Variants in ARHGAP29 observed in about 807,000 individuals in gnomAD.
ARHGAP29 encodes rho GTPase-activating protein 29.
A neutral mutation model predicts 122.6 loss-of-function variants in ARHGAP29; 43 were observed. The observed-to-expected ratio is 0.35, with a 90% confidence interval of 0.27 to 0.45. ARHGAP29 has a LOEUF of 0.45. ARHGAP29 is among the 20% of genes least tolerant of loss of function. ARHGAP29 has a pLI of 1.00. For synonymous variants in ARHGAP29, 506 were observed against 497.1 expected (o/e 1.02, Z -0.24); for missense variants, 1,303 against 1,477.2 (o/e 0.88, Z 1.93).
chr1:94,174,880 A>G (rs899580549), intron 22 of ARHGAP29, 131 bp from the exon 23 acceptor site: 3 of 1,030,350 alleles, frequency 2.9e-6, no homozygotes, highest in Non-Finnish European at 4.2e-6. Context: ...ATTCTCAGTT[A>G]CCTATGTGGA....
chr1:94,253,636 A>ACG (rs1553214897), intron 1 of ARHGAP29, among the ~76,000 whole-genome samples: 3,937 of 149,328 alleles, frequency 0.026, 63 homozygotes, highest in Non-Finnish European at 0.038. Context: ...TCTGGAACAC[A>ACG]CACGCACGCA....
intron 1 of ARHGAP29, among the ~76,000 whole-genome samples, chr1:94,260,433 C>CA (rs1207653518): frequency 1.3e-5 from 2 of 152,206 alleles, no homozygotes; most frequent in Non-Finnish European, 2.9e-5. Context: ...AAGCTGGTCA[C>CA]AAGCTCCTAT....
intron 1 of ARHGAP29, among the ~76,000 whole-genome samples, chr1:94,247,171 G>A (rs1046415262): frequency 6.6e-6 from 1 of 152,168 alleles, no homozygotes; most frequent in Non-Finnish European, 1.5e-5. Flanking sequence ...AGCATCCCCA[G>A]TAAGAAAGAC....
At chr1:94,251,804 G>T (rs1654107106) in intron 1 of ARHGAP29, among the ~76,000 whole-genome samples, 1 of 152,128 alleles carries the variant, frequency 6.6e-6, no homozygotes, top group East Asian at 1.9e-4. Context: ...CATAAAAACA[G>T]CATCCCCCTT....
intron 5 of ARHGAP29, among the ~76,000 whole-genome samples, chr1:94,207,023 T>G (rs1383023535): frequency 1.3e-5 from 2 of 151,636 alleles, no homozygotes; most frequent in African/African-American, 2.4e-5. Context: ...ATTTATTTAT[T>G]TTTGAGACAG....
intron 1 of ARHGAP29, among the ~76,000 whole-genome samples, chr1:94,250,221 C>T (rs1332961597): frequency 1.3e-5 from 2 of 152,132 alleles, no homozygotes; most frequent in Non-Finnish European, 2.9e-5. Flanking sequence ...TTCCCCTCTG[C>T]CACACTTCAA....
the ARHGAP29 span, among the ~76,000 whole-genome samples, chr1:94,301,006 C>A: frequency 2.0e-5 from 3 of 152,286 alleles, no homozygotes; most frequent in South Asian, 6.2e-4. Flanking sequence ...ACATAAGTGA[C>A]ATTGGGCATT....
intron 12 of ARHGAP29, among the ~76,000 whole-genome samples, chr1:94,198,624 C>A (rs1650619432): frequency 6.6e-6 from 1 of 152,164 alleles, no homozygotes; most frequent in African/African-American, 2.4e-5. Context: ...AAATCTAACA[C>A]AACTTATTAA....
intron 1 of ARHGAP29, among the ~76,000 whole-genome samples, chr1:94,261,555 G>A (rs1039293885): frequency 3.3e-5 from 5 of 152,128 alleles, no homozygotes; most frequent in African/African-American, 4.8e-5. Context: ...AATTTCAGCT[G>A]TCTCAGGATA....
the ARHGAP29 span, among the ~76,000 whole-genome samples, chr1:94,305,630 A>C: frequency 6.6e-6 from 1 of 152,208 alleles, no homozygotes; most frequent in African/African-American, 2.4e-5. Flanking sequence ...GAAGACTTGA[A>C]TCAAGAACTC....
At chr1:94,304,261 T>C in the ARHGAP29 span, among the ~76,000 whole-genome samples, 2 of 152,238 alleles carry the variant, frequency 1.3e-5, no homozygotes, top group African/African-American at 4.8e-5. Flanking sequence ...GGCCTCAGCC[T>C]CCTGAGTATC....
At chr1:94,253,312 C>A (rs79425559) in intron 1 of ARHGAP29, among the ~76,000 whole-genome samples, 3,877 of 152,152 alleles carry the variant, frequency 0.025, 173 homozygotes, top group African/African-American at 0.089. Flanking sequence ...CAGCTTTCCC[C>A]GGGCTTACAG....
At chr1:94,238,698 G>C (rs1653452620), upstream of ARHGAP29, among the ~76,000 whole-genome samples, 1 of 152,022 alleles carries the variant, frequency 6.6e-6, no homozygotes, top group Admixed American at 6.6e-5. Flanking sequence ...CACAGGAAAA[G>C]GGAAGAAAAC....
intron 1 of ARHGAP29, among the ~76,000 whole-genome samples, chr1:94,274,490 A>T (rs150091171): frequency 6.6e-6 from 1 of 152,248 alleles, no homozygotes; most frequent in Non-Finnish European, 1.5e-5. Context: ...TACAAAACTT[A>T]TTCCTTCAGC....
chr1:94,292,315 G>A, the ARHGAP29 span, among the ~76,000 whole-genome samples: 3 of 152,122 alleles, frequency 2.0e-5, no homozygotes, highest in African/African-American at 7.2e-5. Context: ...CGTCATTTAA[G>A]CTCTTCTCTG....
chr1:94,295,875 G>C, the ARHGAP29 span, among the ~76,000 whole-genome samples: 2 of 151,994 alleles, frequency 1.3e-5, no homozygotes, highest in African/African-American at 4.8e-5. Context: ...AGAGAACCCT[G>C]AGGCAAGAAA....
intron 1 of ARHGAP29, among the ~76,000 whole-genome samples, chr1:94,254,630 A>G (rs1393095495): frequency 6.6e-6 from 1 of 152,208 alleles, no homozygotes; most frequent in African/African-American, 2.4e-5. Flanking sequence ...AAATGACTAA[A>G]AGGTAAAACA....
chr1:94,285,420 T>C, the ARHGAP29 span, among the ~76,000 whole-genome samples: 5 of 152,056 alleles, frequency 3.3e-5, no homozygotes, highest in East Asian at 7.7e-4. Context: ...GGAATTATAA[T>C]AGAGCATGAT....
rs1648968567 is a variant in ARHGAP29, at chr1:94,174,587, T to C, written c.3068A>G (p.Asp1023Gly). 1.9e-6 allele frequency: 3 copies of C among 1,614,198 alleles called. No homozygotes were observed. The highest frequency in any genetic ancestry group is 2.5e-6 in the Non-Finnish European group (3 of 1,180,032). The stretch of plus-strand genomic sequence containing the variant: ...AGGAGGACTTGCAAGAAGTAGTCTA[T>C]CTACAGGCAAACTTACAGGTCTAAT... ...TKIRPVSLPV[D>G]RLLLASPPNE... is the part of the protein sequence containing the mutation. The change falls in exon 23 of 23, where the codon GAT (aspartate) becomes GGT (glycine). Residue 1023 changes from aspartate (D) to glycine (G), a missense_variant. Asp to Gly is a moderately conservative substitution (Grantham distance 94). Coordinates refer to ENST00000260526, the MANE Select transcript of ARHGAP29 (RefSeq NM_004815.4).
Sources: gnomAD v4.1 joint callset for allele counts (sites outside exome capture counted in the v4.1 genomes callset) on GRCh38, gnomAD v4.1.1 for gene constraint, MANE v1.5 for transcripts, NCBI Gene and HGNC (gene_info 2026-07-23, HGNC 2026-07-21) for gene names.